CREM: variants seen among roughly 807,000 people sequenced by gnomAD.
CREM encodes the protein cAMP responsive element modulator.
Under a neutral mutation model 37.3 loss-of-function variants are expected in CREM, and 13 were observed. The ratio of observed to expected loss-of-function variants is 0.35; its 90% CI spans 0.23 to 0.55. The LOEUF (loss-of-function observed/expected upper bound fraction) is 0.55. Ranked by LOEUF, CREM falls within the 20% of genes least tolerant of loss-of-function variation. The pLI is 0.88. For synonymous variants in CREM, 124 were observed against 120.2 expected (o/e 1.03, Z -0.21); for missense variants, 296 against 362.3 (o/e 0.82, Z 1.49).
At position 35,166,957 on chromosome 10, in the gene CREM, G is replaced by C. The variant is rs952472912; in HGVS notation, c.169-11932G>C. ...AGGAGTTCAAGACCAGCCTGGCAGA[G>C]ATGGTAAACCCTGTCTTTACTAAAA... On this transcript the variant is annotated intron_variant, in intron 3 of 7. Transcript: ENST00000685392. Among the ~76,000 whole-genome samples, 7 of 152,116 alleles carry C rather than the reference G, an allele frequency of 4.6e-5. 1 individual carries two copies. In the South Asian group the frequency reaches 1.0e-3, roughly 23 times the overall value.
intron 3 of CREM, among the ~76,000 whole-genome samples, chr10:35,176,866 T>G (rs964092412): frequency 6.6e-6 from 1 of 152,242 alleles, no homozygotes; most frequent in African/African-American, 2.4e-5. Flanking sequence ...CCTTGGCTTT[T>G]GTAGATATGA....
intron 1 of CREM, among the ~76,000 whole-genome samples, chr10:35,131,644 TAGAA>T (rs2089405119): frequency 6.6e-6 from 1 of 152,214 alleles, no homozygotes; most frequent in Non-Finnish European, 1.5e-5. Context: ...TTTCTGCACT[TAGAA>T]AGATACAGGT....
At chr10:35,137,997 T>G in intron 2 of CREM, 118 bp downstream of exon 2, 2 of 594,282 alleles carry the variant, frequency 3.4e-6, no homozygotes, top group African/African-American at 1.9e-5. Flanking sequence ...TATTCTATTA[T>G]AATATATACT....
At chr10:35,152,786 C>A (rs2092675875) in intron 3 of CREM, among the ~76,000 whole-genome samples, 2 of 109,914 alleles carry the variant, frequency 1.8e-5, no homozygotes, top group Admixed American at 9.7e-5. Flanking sequence ...ATTGTATGTA[C>A]AATACAAGTA....
At chr10:35,168,581 G>C (rs1336078154) in intron 3 of CREM, among the ~76,000 whole-genome samples, 2 of 152,104 alleles carry the variant, frequency 1.3e-5, no homozygotes, top group Non-Finnish European at 2.9e-5. Context: ...TTCTTTTGCT[G>C]TGCAGAAGCT....
rs1335674861 is a variant in CREM, at chr10:35,186,793, ATTATG to A, written c.410-1402_410-1398del. On this transcript the variant is annotated intron_variant, in intron 5 of 7. Transcript: ENST00000685392. ...TATATAACAAATTATATATAACATA[ATTATG>A]TTATATATAATTGTACATAACATAT... Among the ~76,000 whole-genome samples the A allele has an allele frequency of 8.7e-4, 110 of 126,626 alleles. 1 individual carries two copies. The highest frequency in any genetic ancestry group is 2.8e-3 in the Admixed American group (30 of 10,904). The allele number at this position is 126,626 out of a possible 152,430, so 83.1% of individuals were successfully genotyped here.
intron 3 of CREM, among the ~76,000 whole-genome samples, chr10:35,163,080 C>T (rs961863219): frequency 6.6e-6 from 1 of 151,748 alleles, no homozygotes; most frequent in Non-Finnish European, 1.5e-5. Flanking sequence ...GTGGCACTTG[C>T]CTGTAGTGCT....
chr10:35,195,180 G>A lies in CREM; in HGVS notation c.598+6792G>A, dbSNP rs567074549. 239 of 1,613,870 alleles carry A rather than the reference G, an allele frequency of 1.5e-4. 5 individuals are homozygous for A. The South Asian group carries it at 2.5e-3, about 17-fold the overall frequency. The stretch of plus-strand genomic sequence containing the variant: ...AGGAAACAAGACAGTTCTGTCTGCA[G>A]AAGCCCATTATGGCTGTAACTGGAG... On this transcript the variant is annotated intron_variant, in intron 6 of 7. Coordinates refer to ENST00000685392, the MANE Select transcript of CREM (RefSeq NM_183011.2).
intron 6 of CREM, among the ~76,000 whole-genome samples, chr10:35,204,657 A>G (rs868340350): frequency 1.3e-5 from 2 of 152,060 alleles, no homozygotes; most frequent in Non-Finnish European, 2.9e-5. Context: ...AATTACATGT[A>G]GAAGGAAAAG....
In CREM at chr10:35,194,097, C is replaced by CAAAAAAAAAAAAAAAA. The variant is rs371978117; in HGVS notation, c.598+5721_598+5736dup. On this transcript the variant is annotated intron_variant, in intron 6 of 7. Transcript: ENST00000685392. ...GGGGGAGAATAGCGAGACTTCATCT[C>CAAAAAAAAAAAAAAAA]AAAAAAAAAAAAAAAAAAAAAAAAA... Among the ~76,000 whole-genome samples the CAAAAAAAAAAAAAAAA allele has an allele frequency of 1.8e-3, 44 of 25,058 alleles. 3 individuals carry two copies. Among genetic ancestry groups the CAAAAAAAAAAAAAAAA allele is most frequent in the East Asian group, 7.3e-3 (5 of 686 alleles). The allele number at this position is 25,058 out of a possible 152,430, so 16.4% of individuals were successfully genotyped here. A position where few individuals can be genotyped will look rare whatever the true frequency, so the allele number is the denominator to read the frequency against.
chr10:35,134,453 G>A (rs2090077275), intron 1 of CREM, among the ~76,000 whole-genome samples: 1 of 152,198 alleles, frequency 6.6e-6, no homozygotes, highest in Admixed American at 6.5e-5. Context: ...TTGACCTCAG[G>A]CGATCTGCCC....
intron 6 of CREM, among the ~76,000 whole-genome samples, chr10:35,198,986 C>T (rs1490830033): frequency 6.6e-6 from 1 of 151,310 alleles, no homozygotes; most frequent in Non-Finnish European, 1.5e-5. Context: ...CCCATCTCCA[C>T]AAAAATACAA....
intron 3 of CREM, 85 bp downstream of exon 3, chr10:35,148,576 T>G (rs2092344349): frequency 7.0e-7 from 1 of 1,432,250 alleles, no homozygotes; most frequent in Non-Finnish European, 9.5e-7. Context: ...CCATTGATCT[T>G]AAATTTTCCA....
chr10:35,187,138 TAA>T (rs1564921830), intron 5 of CREM, among the ~76,000 whole-genome samples: 4 of 65,830 alleles, frequency 6.1e-5, no homozygotes, highest in Admixed American at 2.7e-4. Flanking sequence ...ATTAATATAT[TAA>T]TATATAATAT....
At chr10:35,168,345 G>A (rs531096024) in intron 3 of CREM, among the ~76,000 whole-genome samples, 2 of 152,280 alleles carry the variant, frequency 1.3e-5, no homozygotes, top group African/African-American at 4.8e-5. Context: ...TTTCTCTGAT[G>A]GCCAGTGATG....
chr10:35,170,347 T>G (rs908374489), intron 3 of CREM, among the ~76,000 whole-genome samples: 1 of 152,174 alleles, frequency 6.6e-6, no homozygotes, highest in Non-Finnish European at 1.5e-5. Flanking sequence ...TCAGGGATAT[T>G]GTTCTAAAAT....
chr10:35,178,996 C>A lies in CREM; in HGVS notation c.266+10C>A. The A allele has an allele frequency of 6.3e-7, 1 of 1,587,742 alleles. No homozygotes were observed. The highest frequency in any genetic ancestry group is 8.6e-7 in the Non-Finnish European group (1 of 1,167,440). On this transcript the variant is annotated intron_variant, in intron 4 of 7. Transcript: ENST00000685392. ...GAAGACCCTCTTATAGGTAAGTTAA[C>A]CAAGTTTCCTAATGTAAAGATACTT...
chr10:35,132,378 G>A (rs1672169591), intron 1 of CREM, among the ~76,000 whole-genome samples: 1 of 152,146 alleles, frequency 6.6e-6, no homozygotes, highest in Non-Finnish European at 1.5e-5. Context: ...CAGGCAGCAT[G>A]TGGGAAATGA....
At chr10:35,144,815 T>C (rs765716178) in intron 2 of CREM, among the ~76,000 whole-genome samples, 5 of 151,784 alleles carry the variant, frequency 3.3e-5, no homozygotes, top group Non-Finnish European at 7.4e-5. Flanking sequence ...CTGAACATAA[T>C]TAGCCTTTTT....
Sources: allele counts gnomAD v4.1 joint callset (sites outside exome capture counted in the v4.1 genomes callset), GRCh38; gene constraint gnomAD v4.1.1; transcripts MANE v1.5; gene names NCBI Gene and HGNC (gene_info 2026-07-23, HGNC 2026-07-21).